Variants in PTPRD observed in about 807,000 individuals in gnomAD.
PTPRD encodes receptor-type tyrosine-protein phosphatase delta.
PTPRD carries 34 observed loss-of-function variants against 214.5 expected under a neutral mutation model. The observed-to-expected ratio is 0.16, with a 90% confidence interval of 0.12 to 0.21. PTPRD has a LOEUF of 0.21. PTPRD is among the 10% of genes least tolerant of loss of function. The probability of loss-of-function intolerance (pLI) is 1.00; values close to 1 mark genes in which losing one functional copy is unlikely to be tolerated. For synonymous variants in PTPRD, 1,128 were observed against 845.7 expected (o/e 1.33, Z -5.79); for missense variants, 2,545 against 2,398.7 (o/e 1.06, Z -1.27).
At chr9:9,333,228 G>T (rs1283882992) in intron 9 of PTPRD, among the ~76,000 whole-genome samples, 1 of 151,670 alleles carries the variant, frequency 6.6e-6, no homozygotes, top group Admixed American at 6.6e-5. Flanking sequence ...ATAAGAAAAG[G>T]CTTTGTAGGT....
chr9:10,577,523 A>C (rs1035307061), intron 2 of PTPRD, among the ~76,000 whole-genome samples: 1 of 152,212 alleles, frequency 6.6e-6, no homozygotes, highest in African/African-American at 2.4e-5. Flanking sequence ...CTCCAAAAGA[A>C]TTAAGCCCTA....
In PTPRD at chr9:8,443,794, T is replaced by C. The variant is rs1201881764; in HGVS notation, c.3988+5931A>G. Reference sequence around the variant, plus strand: ...CACCAATGCTACCAGTAGCATCTTCTCTTACAACTTTCTTTGTACTGAAAA... The same window carrying C: ...CACCAATGCTACCAGTAGCATCTTCCCTTACAACTTTCTTTGTACTGAAAA... On this transcript the variant is annotated intron_variant, in intron 34 of 45. Coordinates refer to ENST00000381196, the MANE Select transcript of PTPRD (RefSeq NM_002839.4). 2.0e-5 allele frequency among the ~76,000 whole-genome samples: 3 copies of C among 152,160 alleles called. No homozygotes were observed. The East Asian group carries it at 5.8e-4, about 29-fold the overall frequency.
At chr9:10,261,020 G>A (rs1367036894) in intron 3 of PTPRD, among the ~76,000 whole-genome samples, 3,873 of 115,798 alleles carry the variant, frequency 0.033, 167 homozygotes, top group African/African-American at 0.1. Context: ...ATATATGTGT[G>A]TATATATATT....
chr9:8,953,693 G>C (rs1412640650), intron 11 of PTPRD, among the ~76,000 whole-genome samples: 3 of 152,024 alleles, frequency 2.0e-5, no homozygotes, highest in East Asian at 3.9e-4. Flanking sequence ...CAAAAGATAT[G>C]AACAGACACT....
At chr9:10,509,480 TC>T (rs1184500275) in intron 2 of PTPRD, among the ~76,000 whole-genome samples, 4,509 of 147,252 alleles carry the variant, frequency 0.031, 205 homozygotes, top group African/African-American at 0.1. Context: ...CATCTATCTA[TC>T]TATCTATCTA....
At chr9:9,917,853 A>G (rs994899512) in intron 5 of PTPRD, among the ~76,000 whole-genome samples, 1 of 152,022 alleles carries the variant, frequency 6.6e-6, no homozygotes, top group East Asian at 1.9e-4. Context: ...TTATCAATAC[A>G]TACATTTGAC....
At chr9:8,329,205 T>TG (rs1837120179) in intron 44 of PTPRD, among the ~76,000 whole-genome samples, 1 of 152,130 alleles carries the variant, frequency 6.6e-6, no homozygotes, top group Non-Finnish European at 1.5e-5. Context: ...GACCTTCAGA[T>TG]GGGGTCTCTG....
intron 11 of PTPRD, among the ~76,000 whole-genome samples, chr9:8,843,737 A>G (rs2097620042): frequency 6.6e-6 from 1 of 152,194 alleles, no homozygotes; most frequent in Non-Finnish European, 1.5e-5. Flanking sequence ...GATACTGTCT[A>G]CTATGGGATC....
intron 14 of PTPRD, among the ~76,000 whole-genome samples, chr9:8,605,485 A>T (rs1469476430): frequency 9.9e-5 from 15 of 152,222 alleles, no homozygotes; most frequent in Non-Finnish European, 5.9e-5. Context: ...TTCACAAAAG[A>T]GAAGAGCTTC....
At chr9:9,573,791 G>A (rs553495898) in intron 8 of PTPRD, among the ~76,000 whole-genome samples, 1 of 151,704 alleles carries the variant, frequency 6.6e-6, no homozygotes, top group Non-Finnish European at 1.5e-5. Context: ...ACAATCCTAT[G>A]TTATGTTGAG....
chr9:8,909,147 C>T (rs1424565297), intron 11 of PTPRD, among the ~76,000 whole-genome samples: 1 of 152,024 alleles, frequency 6.6e-6, no homozygotes, highest in East Asian at 1.9e-4. Flanking sequence ...AAAATCTTCT[C>T]ATAAAGATAA....
In PTPRD at chr9:9,584,358, C is replaced by T. The variant is rs76320270; in HGVS notation, c.-286-9577G>A. Among the ~76,000 whole-genome samples the T allele has an allele frequency of 2.7e-3, 211 of 77,018 alleles. 1 individual carries two copies. The highest frequency in any genetic ancestry group is 8.6e-3 in the Admixed American group (79 of 9,184). The allele number at this position is 77,018 out of a possible 152,430, so 50.5% of individuals were successfully genotyped here. A position where few individuals can be genotyped will look rare whatever the true frequency, so the allele number is the denominator to read the frequency against. ...TACATTAAAACATTTTATTTCATCA[C>T]CATTATTATTATTATTATTATTTGC... On this transcript the variant is annotated intron_variant, in intron 7 of 45. Transcript: ENST00000381196.
intron 7 of PTPRD, among the ~76,000 whole-genome samples, chr9:9,704,461 A>T (rs890842559): frequency 2.0e-5 from 3 of 152,154 alleles, no homozygotes; most frequent in Admixed American, 6.5e-5. Flanking sequence ...GTCATTCCCC[A>T]TGTATGGTGG....
At chr9:8,728,018 C>A (rs539071002) in intron 12 of PTPRD, among the ~76,000 whole-genome samples, 1 of 152,038 alleles carries the variant, frequency 6.6e-6, no homozygotes, top group African/African-American at 2.4e-5. Context: ...GAGGCCACGG[C>A]GGGCGGATCA....
chr9:8,633,932 T>C (rs2096342580), intron 13 of PTPRD, among the ~76,000 whole-genome samples: 1 of 152,078 alleles, frequency 6.6e-6, no homozygotes, highest in South Asian at 2.1e-4. Context: ...CTGAACAGTA[T>C]AGATAGGCAA....
At position 8,726,022 on chromosome 9, in the gene PTPRD, GACAGAC is replaced by G. The variant is rs1266311771; in HGVS notation, c.64+7752_64+7757del. ...TTTCCACATAGCAGACAGACAGACA[GACAGAC>G]ACACACACACACACACACACACACA... On this transcript the variant is annotated intron_variant, in intron 12 of 45. Transcript: ENST00000381196. 1.8e-3 allele frequency among the ~76,000 whole-genome samples: 247 copies of G among 140,116 alleles called. 1 individual carries two copies. The highest frequency in any genetic ancestry group is 5.8e-3 in the African/African-American group (209 of 35,792). 91.9% of individuals were successfully genotyped at this position (140,116 alleles called of 152,430 possible).
chr9:9,966,343 G>C (rs1020044235), intron 4 of PTPRD, among the ~76,000 whole-genome samples: 2 of 152,100 alleles, frequency 1.3e-5, no homozygotes, highest in Non-Finnish European at 2.9e-5. Context: ...TAGACCTCGT[G>C]ATTATTTTTC....
At chr9:9,442,337 A>G (rs573191364) in intron 8 of PTPRD, 2 of 152,386 alleles carry the variant, frequency 1.3e-5, no homozygotes, top group South Asian at 2.1e-4. Flanking sequence ...TCTTATAGCC[A>G]CAGTTCCTTT....
At chr9:9,839,791 G>C (rs926223716) in intron 5 of PTPRD, among the ~76,000 whole-genome samples, 1 of 152,042 alleles carries the variant, frequency 6.6e-6, no homozygotes, top group African/African-American at 2.4e-5. Context: ...CACGCTACCT[G>C]ATTTCAAACT....
Sources: allele counts gnomAD v4.1 joint callset (sites outside exome capture counted in the v4.1 genomes callset), GRCh38; gene constraint gnomAD v4.1.1; transcripts MANE v1.5; gene names NCBI Gene and HGNC (gene_info 2026-07-23, HGNC 2026-07-21).